The following PAX2 variants were observed in gnomAD, a reference collection of about 807,000 sequenced individuals.
PAX2 encodes the protein paired box protein Pax-2.
PAX2 carries 9 observed loss-of-function variants against 41.7 expected under a neutral mutation model. That is an observed-to-expected ratio of 0.22 (90% CI 0.13 to 0.38). The LOEUF (loss-of-function observed/expected upper bound fraction) is 0.38, where lower values mean the gene tolerates loss of function less well. Ranked by LOEUF, PAX2 falls within the 10% of genes least tolerant of loss-of-function variation. The probability of loss-of-function intolerance (pLI) is 1.00; values close to 1 mark genes in which losing one functional copy is unlikely to be tolerated. For missense variants in PAX2, 418 were observed against 531.6 expected (o/e 0.79, Z 2.10); for synonymous variants, 221 against 212.7 (o/e 1.04, Z -0.34).
Position 100,748,326 on chromosome 10 carries a change from T to C in PAX2, c.44-1420T>C, listed in dbSNP as rs975388581. 1 of 983,142 alleles carries C rather than the reference T, an allele frequency of 1.0e-6. No homozygotes were observed. The highest frequency in any genetic ancestry group is 1.8e-5 in the African/African-American group (1 of 56,622). 60.9% of individuals were successfully genotyped at this position (983,142 alleles called of 1,614,324 possible). On this transcript the variant is annotated intron_variant, in intron 1 of 9. Coordinates refer to ENST00000355243, the MANE Select transcript of PAX2 (RefSeq NM_000278.5). This position sits in a 1 kb window ranked among gnomAD's most constrained non-coding sequence, Gnocchi z 5.0. ...GAAGTGGGGCTAGAGATAGGGAGAT[T>C]AACGGGGTGGGCAAGGGGGTAAAAG... is the stretch of plus-strand genomic sequence containing the variant.
At chr10:100,817,442 G>A (rs1848227853) in intron 7 of PAX2, among the ~76,000 whole-genome samples, 1 of 152,240 alleles carries the variant, frequency 6.6e-6, no homozygotes, top group Non-Finnish European at 1.5e-5. Context: ...ACCACCTCCT[G>A]TGAGGCCCTG....
chr10:100,750,655 G>A lies in PAX2; in HGVS notation c.213-39G>A, dbSNP rs1394559532. The A allele has an allele frequency of 1.9e-6, 3 of 1,590,922 alleles. No individual in the cohort carries two copies. Among genetic ancestry groups the A allele is most frequent in the Non-Finnish European group, 2.6e-6 (3 of 1,159,864 alleles). On this transcript the variant is annotated intron_variant, in intron 2 of 9. Transcript: ENST00000355243. The surrounding 1 kb of genome is among the most constrained non-coding windows in gnomAD (Gnocchi z 4.1). ...CCTGCAGCCCCCCTGCCCCGCCACAGTCCGCTTCTGGCTGACCCCGCCGGC... is the reference window on the plus strand; with the variant it reads ...CCTGCAGCCCCCCTGCCCCGCCACAATCCGCTTCTGGCTGACCCCGCCGGC...
chr10:100,751,118 G>A (rs1017487985), intron 3 of PAX2, among the ~76,000 whole-genome samples: 4 of 152,160 alleles, frequency 2.6e-5, no homozygotes, highest in African/African-American at 4.8e-5. Context: ...GGCTTCTCCC[G>A]CCGGCGTCCT....
rs931589439 is a variant in PAX2, at chr10:100,748,720, C to T, written c.44-1026C>T. 8.1e-6 allele frequency: 8 copies of T among 985,490 alleles called. No homozygotes were observed. Among genetic ancestry groups the T allele is most frequent in the Non-Finnish European group, 8.4e-6 (7 of 829,982 alleles). 61.0% of individuals were successfully genotyped at this position (985,490 alleles called of 1,614,324 possible). A position where few individuals can be genotyped will look rare whatever the true frequency, so the allele number is the denominator to read the frequency against. ...CGAGATCGGGAGCCCGCGCTGGAGC[C>T]GGGTTGGAAACCCCGTGCCCTTCTC... On this transcript the variant is annotated intron_variant, in intron 1 of 9. Coordinates refer to ENST00000355243, the MANE Select transcript of PAX2 (RefSeq NM_000278.5). This position sits in a 1 kb window ranked among gnomAD's most constrained non-coding sequence, Gnocchi z 5.0.
At chr10:100,788,659 A>T (rs1846973893) in intron 5 of PAX2, among the ~76,000 whole-genome samples, 1 of 152,106 alleles carries the variant, frequency 6.6e-6, no homozygotes, top group African/African-American at 2.4e-5. Context: ...CCAGAGAGGG[A>T]TCTGAGTGCT....
At chr10:100,742,018 C>T (rs1844972871), upstream of PAX2, among the ~76,000 whole-genome samples, 1 of 152,178 alleles carries the variant, frequency 6.6e-6, no homozygotes, top group South Asian at 2.1e-4. Flanking sequence ...GCTCCCGCGG[C>T]CCCCTCCGTC....
At chr10:100,742,079 C>G (rs1273302557), upstream of PAX2, among the ~76,000 whole-genome samples, 3 of 152,302 alleles carry the variant, frequency 2.0e-5, 1 homozygote, top group South Asian at 4.1e-4. Context: ...GGCGCCTGGG[C>G]CCCGGGTCAG....
intron 7 of PAX2, among the ~76,000 whole-genome samples, chr10:100,816,737 G>C (rs542740647): frequency 3.8e-4 from 58 of 152,272 alleles, no homozygotes; most frequent in Non-Finnish European, 6.8e-4. Context: ...TGGGAGACAA[G>C]CTCCGCCACT....
chr10:100,780,945 C>T (rs1477664205), intron 4 of PAX2, among the ~76,000 whole-genome samples: 3 of 152,120 alleles, frequency 2.0e-5, no homozygotes, highest in South Asian at 4.1e-4. Flanking sequence ...GTACTCCATC[C>T]GTCTTTAGGA....
chr10:100,783,970 G>A (rs1374404902), intron 5 of PAX2, among the ~76,000 whole-genome samples: 1 of 152,016 alleles, frequency 6.6e-6, no homozygotes, highest in Non-Finnish European at 1.5e-5. Context: ...ATTTTCCCTG[G>A]TGGAGGCCTG....
At chr10:100,804,606 G>C (rs568710406) in intron 5 of PAX2, among the ~76,000 whole-genome samples, 1 of 152,198 alleles carries the variant, frequency 6.6e-6, no homozygotes, top group Admixed American at 6.5e-5. Flanking sequence ...CAGGAGAAAC[G>C]GGGCATGTGG....
chr10:100,802,509 C>A (rs746486199), intron 5 of PAX2, among the ~76,000 whole-genome samples: 1 of 152,200 alleles, frequency 6.6e-6, no homozygotes, highest in Non-Finnish European at 1.5e-5. Context: ...GTGGGGATAG[C>A]ACATCTTTTG....
upstream of PAX2, among the ~76,000 whole-genome samples, chr10:100,743,252 G>A (rs934641008): frequency 6.6e-6 from 1 of 152,188 alleles, no homozygotes; most frequent in South Asian, 2.1e-4. Flanking sequence ...TGAAGGACAG[G>A]TGTGTGAGGA....
Position 100,824,363 on chromosome 10 carries a change from C to CACACACAT in PAX2, c.920-278_920-277insTACACACA, listed in dbSNP as rs1848471494. ...ACAGGCAAAGGCAGATACACACACA[C>CACACACAT]ACACACACACACACACACACACACA... On this transcript the variant is annotated intron_variant, in intron 7 of 9. Coordinates refer to ENST00000355243, the MANE Select transcript of PAX2 (RefSeq NM_000278.5). This position sits in a 1 kb window ranked among gnomAD's most constrained non-coding sequence, Gnocchi z 6.6. 7.1e-6 allele frequency among the ~76,000 whole-genome samples: 1 copy of CACACACAT among 141,560 alleles called. No individual in the cohort carries two copies. The highest frequency in any genetic ancestry group is 2.1e-4 in the South Asian group (1 of 4,714). 92.9% of individuals were successfully genotyped at this position (141,560 alleles called of 152,430 possible).
intron 7 of PAX2, among the ~76,000 whole-genome samples, chr10:100,812,998 A>G (rs2133963615): frequency 6.6e-6 from 1 of 152,354 alleles, no homozygotes; most frequent in South Asian, 2.1e-4. Flanking sequence ...CATAAAATAC[A>G]CTAACACTAA....
At chr10:100,766,303 A>G (rs1463827948) in intron 3 of PAX2, among the ~76,000 whole-genome samples, 1 of 152,156 alleles carries the variant, frequency 6.6e-6, no homozygotes, top group African/African-American at 2.4e-5. Flanking sequence ...AGATGGTCAC[A>G]CCTCTGTGTA....
chr10:100,781,748 G>A (rs1342148232), intron 5 of PAX2, among the ~76,000 whole-genome samples: 1 of 152,240 alleles, frequency 6.6e-6, no homozygotes, highest in Non-Finnish European at 1.5e-5. Flanking sequence ...CTGTCTGGAG[G>A]TGAGGTAGTG....
chr10:100,809,908 T>C (rs1464926191), intron 7 of PAX2, among the ~76,000 whole-genome samples: 4 of 152,062 alleles, frequency 2.6e-5, no homozygotes, highest in Non-Finnish European at 5.9e-5. Flanking sequence ...CCAGTTAGTT[T>C]GGAAGGGGAG....
rs1156330861 is a variant in PAX2 at position 100,819,173 on chromosome 10, G to T, written c.920-5475G>T. On this transcript the variant is annotated intron_variant, in intron 7 of 9. Transcript: ENST00000355243. ...TGAGGCAGGAGAATCACTTGAACCT[G>T]GGAGGCAGAGGTTGCAGTGAGTGGA... 2.0e-5 allele frequency among the ~76,000 whole-genome samples: 3 copies of T among 151,748 alleles called. No individual in the cohort carries two copies. In the South Asian group the frequency reaches 6.3e-4, roughly 32 times the overall value.
Sources: allele counts gnomAD v4.1 joint callset (sites outside exome capture counted in the v4.1 genomes callset), GRCh38; gene constraint gnomAD v4.1.1; non-coding constraint Gnocchi (gnomAD v3.1); transcripts MANE v1.5; gene names NCBI Gene and HGNC (gene_info 2026-07-23, HGNC 2026-07-21).